The following RIT2 variants were observed in gnomAD, a reference collection of about 807,000 sequenced individuals.
RIT2 encodes Ras like without CAAX 2, also known as GTP-binding protein Rit2.
Under a neutral mutation model 23.7 loss-of-function variants are expected in RIT2, and 24 were observed. The observed-to-expected ratio is 1.01, with a 90% CI of 0.73 to 1.43. RIT2 has a LOEUF of 1.43. Among genes scored for constraint, RIT2 ranks in the 40% most tolerant of loss-of-function variants. The pLI, the probability that RIT2 is intolerant of heterozygous loss-of-function variation, is 0.00. For missense variants in RIT2, 236 were observed against 266.9 expected (o/e 0.88, Z 0.81); for synonymous variants, 107 against 91.1 (o/e 1.17, Z -0.99).
At position 42,834,169 on chromosome 18, in the gene RIT2, A is replaced by C. The variant is rs556720900; in HGVS notation, c.426+89403T>G. The stretch of plus-strand genomic sequence containing the variant: ...TTATAATAAGCAAACAAAAGGCAAA[A>C]ACTCATCTACCATGAAGCTCACAAG... On this transcript the variant is annotated intron_variant, in intron 4 of 4. Coordinates refer to ENST00000326695, the MANE Select transcript of RIT2 (RefSeq NM_002930.4). 5.9e-5 allele frequency among the ~76,000 whole-genome samples: 9 copies of C among 152,282 alleles called. No homozygotes were observed. In the East Asian group the frequency reaches 1.7e-3, roughly 29 times the overall value.
At chr18:42,805,593 T>G (rs1351050914) in intron 4 of RIT2, among the ~76,000 whole-genome samples, 1 of 152,232 alleles carries the variant, frequency 6.6e-6, no homozygotes. Context: ...TCATGCCTGA[T>G]TTTGTAACAT....
At chr18:42,908,252 A>G (rs1390014343) in intron 4 of RIT2, among the ~76,000 whole-genome samples, 2 of 151,954 alleles carry the variant, frequency 1.3e-5, no homozygotes, top group African/African-American at 4.8e-5. Context: ...TGAACAACAA[A>G]GAGAAAATAG....
chr18:42,970,561 TTC>T (rs2144199485), intron 3 of RIT2, among the ~76,000 whole-genome samples: 1 of 152,076 alleles, frequency 6.6e-6, no homozygotes, highest in East Asian at 1.9e-4. Context: ...CTATCTGAAC[TTC>T]TCTCACCCCT....
chr18:43,076,594 T>G (rs1234108040), intron 1 of RIT2, among the ~76,000 whole-genome samples: 10 of 152,116 alleles, frequency 6.6e-5, no homozygotes, highest in Non-Finnish European at 4.4e-5. Context: ...ACCTAAAAAC[T>G]GTGCAGGTCA....
At chr18:42,969,363 T>G (rs556548465) in intron 3 of RIT2, among the ~76,000 whole-genome samples, 25 of 152,182 alleles carry the variant, frequency 1.6e-4, no homozygotes, top group African/African-American at 5.3e-4. Flanking sequence ...AAAAATAAAT[T>G]GTGGCTAAAA....
At chr18:42,829,096 T>C (rs1906385042) in intron 4 of RIT2, among the ~76,000 whole-genome samples, 1 of 152,238 alleles carries the variant, frequency 6.6e-6, no homozygotes, top group African/African-American at 2.4e-5. Context: ...AAGAACCATC[T>C]GGACAGGTGG....
intron 1 of RIT2, among the ~76,000 whole-genome samples, chr18:43,105,941 A>G (rs558305283): frequency 7.2e-5 from 11 of 152,332 alleles, no homozygotes; most frequent in African/African-American, 1.4e-4. Flanking sequence ...TCAAAATAAT[A>G]TATGGTAACG....
intron 4 of RIT2, among the ~76,000 whole-genome samples, chr18:42,890,534 T>G (rs1908143085): frequency 7.0e-6 from 1 of 142,690 alleles, no homozygotes; most frequent in East Asian, 2.0e-4. Flanking sequence ...GGAAGGAGGA[T>G]GAAAGGAAGG....
intron 2 of RIT2, among the ~76,000 whole-genome samples, chr18:42,988,605 A>T (rs1398848617): frequency 1.3e-5 from 2 of 152,194 alleles, no homozygotes; most frequent in African/African-American, 4.8e-5. Context: ...AAGTCATTTT[A>T]CTTCCAGGAA....
At chr18:42,771,883 C>G (rs543389159) in intron 4 of RIT2, among the ~76,000 whole-genome samples, 2 of 152,040 alleles carry the variant, frequency 1.3e-5, no homozygotes, top group Non-Finnish European at 1.5e-5. Flanking sequence ...TGACACGTTG[C>G]CCTTTGCAAC....
chr18:42,875,434 T>C (rs574094094), intron 4 of RIT2, among the ~76,000 whole-genome samples: 9 of 151,876 alleles, frequency 5.9e-5, no homozygotes, highest in Non-Finnish European at 1.3e-4. Flanking sequence ...CATATTGTAA[T>C]GTACTAGTAA....
intron 4 of RIT2, among the ~76,000 whole-genome samples, chr18:42,858,448 G>A (rs1568014538): frequency 6.6e-6 from 1 of 152,130 alleles, no homozygotes; most frequent in Non-Finnish European, 1.5e-5. Flanking sequence ...AACGGGAGAG[G>A]AGAAACCCAC....
intron 2 of RIT2, among the ~76,000 whole-genome samples, chr18:42,999,507 A>G (rs993011388): frequency 7.2e-5 from 11 of 152,082 alleles, no homozygotes; most frequent in African/African-American, 2.4e-4. Context: ...TAGAGCAAAT[A>G]TTAGGATATT....
chr18:42,938,097 C>CTGA (rs1568034991), intron 3 of RIT2, among the ~76,000 whole-genome samples: 1 of 151,940 alleles, frequency 6.6e-6, no homozygotes, highest in Non-Finnish European at 1.5e-5. Flanking sequence ...AATATGATAT[C>CTGA]TAAGAAAGAA....
intron 1 of RIT2, among the ~76,000 whole-genome samples, chr18:43,112,453 C>T (rs1168765565): frequency 6.6e-6 from 1 of 152,174 alleles, no homozygotes; most frequent in African/African-American, 2.4e-5. Flanking sequence ...AATACGTGCT[C>T]AGTAAACTTT....
chr18:42,931,852 A>G (rs1173324967), intron 3 of RIT2, among the ~76,000 whole-genome samples: 3 of 152,166 alleles, frequency 2.0e-5, no homozygotes, highest in Admixed American at 1.3e-4. Context: ...AATCCACATG[A>G]CAAAGTTGCA....
At chr18:42,931,276 G>A (rs940499514) in intron 3 of RIT2, among the ~76,000 whole-genome samples, 9 of 152,170 alleles carry the variant, frequency 5.9e-5, no homozygotes, top group Non-Finnish European at 8.8e-5. Context: ...GCTGGAGGAT[G>A]AAGATAAAAG....
intron 4 of RIT2, among the ~76,000 whole-genome samples, chr18:42,778,099 C>T (rs2143927079): frequency 6.6e-6 from 1 of 152,232 alleles, no homozygotes; most frequent in Non-Finnish European, 1.5e-5. Context: ...CTATGGCTGG[C>T]TGCTGTGCTT....
intron 2 of RIT2, among the ~76,000 whole-genome samples, chr18:42,996,520 G>C (rs1418381969): frequency 6.6e-6 from 1 of 151,998 alleles, no homozygotes; most frequent in Non-Finnish European, 1.5e-5. Context: ...AAAATGGCCT[G>C]TTTCTGCCTT....
Sources: gnomAD v4.1 joint callset for allele counts (sites outside exome capture counted in the v4.1 genomes callset) on GRCh38, gnomAD v4.1.1 for gene constraint, MANE v1.5 for transcripts, NCBI Gene and HGNC (gene_info 2026-07-23, HGNC 2026-07-21) for gene names.